PARP8: variants seen among roughly 807,000 people sequenced by gnomAD.
PARP8 encodes protein mono-ADP-ribosyltransferase PARP8.
In PARP8, 51 loss-of-function variants were observed where a neutral mutation model predicts 124.1. The observed-to-expected ratio is 0.41, with a 90% CI of 0.33 to 0.52. The LOEUF (loss-of-function observed/expected upper bound fraction) is 0.52, where lower values mean the gene tolerates loss of function less well. PARP8 is among the 20% of genes least tolerant of loss of function. The probability of loss-of-function intolerance (pLI) is 0.21; values close to 1 mark genes in which losing one functional copy is unlikely to be tolerated. For synonymous variants in PARP8, 391 were observed against 361.5 expected (o/e 1.08, Z -0.93); for missense variants, 860 against 1,018.9 (o/e 0.84, Z 2.12).
intron 2 of PARP8, among the ~76,000 whole-genome samples, chr5:50,679,886 T>C (rs866955614): frequency 4.6e-5 from 7 of 152,174 alleles, no homozygotes; most frequent in Admixed American, 3.9e-4. Context: ...GTAACTAATG[T>C]GAGTTAGGCA....
intron 2 of PARP8, among the ~76,000 whole-genome samples, chr5:50,705,682 G>A (rs1354344576): frequency 1.3e-5 from 2 of 152,062 alleles, no homozygotes; most frequent in African/African-American, 4.8e-5. Context: ...CTACTCGGGA[G>A]GCTGAGGCAT....
At chr5:50,691,758 A>G (rs759556909) in intron 2 of PARP8, among the ~76,000 whole-genome samples, 1 of 152,154 alleles carries the variant, frequency 6.6e-6, no homozygotes, top group Non-Finnish European at 1.5e-5. Flanking sequence ...CTTCAAACTC[A>G]GCATATTAAA....
In PARP8 at chr5:50,764,556, C is replaced by T. The variant is rs1460617030; in HGVS notation, c.518+1314C>T. On this transcript the variant is annotated intron_variant, in intron 7 of 25. Transcript: ENST00000281631. ...CCTAAGATAAACTGGGATTGTGTAC[C>T]CAGGCTGTCTCTGTTCTATTCATGA... 7.2e-5 allele frequency among the ~76,000 whole-genome samples: 11 copies of T among 152,242 alleles called. No individual in the cohort carries two copies. The East Asian group carries it at 2.1e-3, about 29-fold the overall frequency.
chr5:50,676,308 T>A (rs1277873581), intron 2 of PARP8, among the ~76,000 whole-genome samples: 1 of 152,250 alleles, frequency 6.6e-6, no homozygotes, highest in East Asian at 1.9e-4. Context: ...TCAGCAATTT[T>A]TATAGAAGTT....
chr5:50,700,174 A>C (rs1580003229), intron 2 of PARP8, among the ~76,000 whole-genome samples: 1 of 152,298 alleles, frequency 6.6e-6, no homozygotes, highest in East Asian at 1.9e-4. Flanking sequence ...CAGAAGTGCC[A>C]GAATCAGCTT....
intron 2 of PARP8, among the ~76,000 whole-genome samples, chr5:50,687,072 A>G (rs966203295): frequency 2.0e-5 from 3 of 152,170 alleles, no homozygotes; most frequent in Admixed American, 1.3e-4. Context: ...TTTCTTTTCT[A>G]TCACATTGTC....
intron 10 of PARP8, among the ~76,000 whole-genome samples, chr5:50,793,272 GA>G (rs1210171531): frequency 6.6e-6 from 1 of 152,134 alleles, no homozygotes; most frequent in East Asian, 1.9e-4. Context: ...AGACAATCCT[GA>G]AGTTATTTTT....
chr5:50,837,634 T>C (rs1747728636), intron 25 of PARP8, among the ~76,000 whole-genome samples: 1 of 152,004 alleles, frequency 6.6e-6, no homozygotes, highest in African/African-American at 2.4e-5. Flanking sequence ...CTAATCTGAT[T>C]CCCACAGTTG....
chr5:50,740,756 T>C (rs1757959581), intron 2 of PARP8, among the ~76,000 whole-genome samples: 1 of 151,186 alleles, frequency 6.6e-6, no homozygotes, highest in African/African-American at 2.4e-5. Context: ...GAGGCTGCAG[T>C]GAACCGTGAT....
intron 14 of PARP8, among the ~76,000 whole-genome samples, chr5:50,812,152 C>T (rs918754549): frequency 6.6e-6 from 1 of 152,124 alleles, no homozygotes; most frequent in African/African-American, 2.4e-5. Flanking sequence ...CATCCAGATC[C>T]TTGAGGAATC....
intron 3 of PARP8, among the ~76,000 whole-genome samples, chr5:50,759,000 G>GT (rs1478195306): frequency 6.6e-6 from 1 of 152,162 alleles, no homozygotes; most frequent in Non-Finnish European, 1.5e-5. Flanking sequence ...TTAAAAATAT[G>GT]TATTAGAGCA....
chr5:50,701,792 T>A (rs886736838), intron 2 of PARP8, among the ~76,000 whole-genome samples: 20 of 152,246 alleles, frequency 1.3e-4, no homozygotes, highest in Non-Finnish European at 2.5e-4. Flanking sequence ...ACCTGCTGAG[T>A]TTTTTGTTGT....
intron 11 of PARP8, 29 bp from the exon 12 acceptor site, chr5:50,794,824 C>T: frequency 1.3e-6 from 2 of 1,578,746 alleles, no homozygotes; most frequent in Non-Finnish European, 1.7e-6. Flanking sequence ...TGTGATTTGC[C>T]CTGTAGTAAT....
chr5:50,795,489 G>C (rs1742438538), intron 12 of PARP8, 72 bp downstream of exon 12: 2 of 1,266,506 alleles, frequency 1.6e-6, no homozygotes, highest in African/African-American at 3.0e-5. Context: ...TTTCTTATAA[G>C]ATCTGGTGGA....
intron 14 of PARP8, among the ~76,000 whole-genome samples, chr5:50,810,440 A>C (rs1379988112): frequency 6.6e-6 from 1 of 152,090 alleles, no homozygotes; most frequent in Non-Finnish European, 1.5e-5. Flanking sequence ...TGCGTTTTGA[A>C]TTGATGCTAG....
intron 2 of PARP8, among the ~76,000 whole-genome samples, chr5:50,737,355 A>G (rs1327993675): frequency 1.3e-5 from 2 of 152,204 alleles, no homozygotes; most frequent in African/African-American, 4.8e-5. Context: ...TCTGGTAATA[A>G]AAGAAGAGAT....
chr5:50,838,789 GT>G (rs1747861259), intron 25 of PARP8, among the ~76,000 whole-genome samples: 1 of 151,990 alleles, frequency 6.6e-6, no homozygotes, highest in Admixed American at 6.6e-5. Context: ...ACAACTTGGA[GT>G]TGTATTTCCC....
intron 2 of PARP8, among the ~76,000 whole-genome samples, chr5:50,692,374 A>C (rs988270656): frequency 9.2e-5 from 14 of 152,224 alleles, no homozygotes; most frequent in African/African-American, 3.4e-4. Flanking sequence ...CTCAAAATTA[A>C]ACATCTCCTC....
chr5:50,688,543 A>G (rs547075334), intron 2 of PARP8, among the ~76,000 whole-genome samples: 1 of 152,324 alleles, frequency 6.6e-6, no homozygotes, highest in East Asian at 1.9e-4. Flanking sequence ...TTTTTGGACA[A>G]TATTCTACAA....
Sources: gnomAD v4.1 joint callset for allele counts (sites outside exome capture counted in the v4.1 genomes callset) on GRCh38, gnomAD v4.1.1 for gene constraint, MANE v1.5 for transcripts, NCBI Gene and HGNC (gene_info 2026-07-23, HGNC 2026-07-21) for gene names.